CCDC148: variants seen among roughly 807,000 people sequenced by gnomAD.
The protein encoded by CCDC148 is coiled-coil domain containing 148, also known as coiled-coil domain-containing protein 148.
In CCDC148, 89 loss-of-function variants were observed where a neutral mutation model predicts 85.7. That is an observed-to-expected ratio of 1.04 (90% confidence interval 0.87 to 1.24). The LOEUF (loss-of-function observed/expected upper bound fraction) is 1.24. Ranked by LOEUF, CCDC148 falls within the 50% of genes most tolerant of loss-of-function variation. CCDC148 has a pLI of 0.00. For missense variants in CCDC148, 692 were observed against 671.7 expected (o/e 1.03, Z -0.33); for synonymous variants, 230 against 213.9 (o/e 1.08, Z -0.66).
Position 158,282,136 on chromosome 2 carries a change from T to G in CCDC148, c.1110+27297A>C, listed in dbSNP as rs376016212. 7.2e-5 allele frequency among the ~76,000 whole-genome samples: 11 copies of G among 151,766 alleles called. No individual in the cohort carries two copies. In the East Asian group the frequency reaches 9.7e-4, roughly 13 times the overall value. On this transcript the variant is annotated intron_variant, in intron 9 of 13. Coordinates refer to ENST00000283233, the MANE Select transcript of CCDC148 (RefSeq NM_138803.4). ...ATTGATGGGACGTATTTCAAAATAA[T>G]AAGAGCTATCTATGACAAACCCACA...
intron 9 of CCDC148, among the ~76,000 whole-genome samples, chr2:158,264,218 T>G (rs1689356815): frequency 6.6e-6 from 1 of 152,030 alleles, no homozygotes; most frequent in Non-Finnish European, 1.5e-5. Context: ...ATAGGAAACC[T>G]TCAATGAGAA....
chr2:158,337,278 A>G (rs971190068), intron 7 of CCDC148, among the ~76,000 whole-genome samples: 4 of 152,144 alleles, frequency 2.6e-5, no homozygotes, highest in Non-Finnish European at 2.9e-5. Context: ...GAGAGGAGGT[A>G]CTGGGCCAGC....
chr2:158,450,031 T>C (rs1320074690), intron 1 of CCDC148, among the ~76,000 whole-genome samples: 1 of 150,192 alleles, frequency 6.7e-6, no homozygotes, highest in East Asian at 2.0e-4. Context: ...TACAGACAAA[T>C]GTGGCAGTTC....
At chr2:158,377,225 A>G (rs930874629) in intron 1 of CCDC148, among the ~76,000 whole-genome samples, 51 of 151,168 alleles carry the variant, frequency 3.4e-4, no homozygotes, top group Non-Finnish European at 6.9e-4. Context: ...CCTTAGAGAA[A>G]GAGGGAAGGG....
rs768652462 is a variant in CCDC148, at chr2:158,456,681, G to C, written c.-242C>G. 3.5e-5 allele frequency: 20 copies of C among 568,870 alleles called. No homozygotes were observed. Among genetic ancestry groups the C allele is most frequent in the Non-Finnish European group, 5.6e-5 (18 of 320,428 alleles). 35.2% of individuals were successfully genotyped at this position (568,870 alleles called of 1,614,324 possible). A position where few individuals can be genotyped will look rare whatever the true frequency, so the allele number is the denominator to read the frequency against. On this transcript the variant is annotated 5_prime_UTR_variant, in exon 1 of 14. Coordinates refer to ENST00000283233, the MANE Select transcript of CCDC148 (RefSeq NM_138803.4). ...CTCTCCGCCACCCCCTCCCGCGCCC[G>C]AGACCTGAGACACCTTCTCTCTCAC...
rs1553521585 is a variant in CCDC148 at position 158,433,091 on chromosome 2, A to AAATAT, written c.25+23323_25+23324insATATT. Among the ~76,000 whole-genome samples, 137 of 51,348 alleles carry AAATAT rather than the reference A, an allele frequency of 2.7e-3. 2 individuals are homozygous for AAATAT. Among genetic ancestry groups the AAATAT allele is most frequent in the Non-Finnish European group, 5.0e-3 (119 of 23,894 alleles). 33.7% of individuals were successfully genotyped at this position (51,348 alleles called of 152,430 possible). A position where few individuals can be genotyped will look rare whatever the true frequency, so the allele number is the denominator to read the frequency against. On this transcript the variant is annotated intron_variant, in intron 1 of 13. Transcript: ENST00000283233. Reference sequence around the variant, plus strand: ...CATCTCTACAAAAAAAAAAAAAAAAAATATATATATATATATATATGACTT... The same window carrying AAATAT: ...CATCTCTACAAAAAAAAAAAAAAAAAAATATATATATATATATATATATATGACTT...
chr2:158,393,255 A>T (rs992545521), intron 1 of CCDC148: 1 of 152,124 alleles, frequency 6.6e-6, no homozygotes, highest in African/African-American at 2.4e-5. Flanking sequence ...CAAATCAATA[A>T]AAATAGGTCG....
intron 10 of CCDC148, among the ~76,000 whole-genome samples, chr2:158,237,453 A>G (rs1688158501): frequency 6.6e-6 from 1 of 152,176 alleles, no homozygotes; most frequent in African/African-American, 2.4e-5. Flanking sequence ...CTATTATAAT[A>G]GTCCTAATTA....
At chr2:158,413,933 A>T (rs1686378674) in intron 1 of CCDC148, among the ~76,000 whole-genome samples, 1 of 152,222 alleles carries the variant, frequency 6.6e-6, no homozygotes, top group Non-Finnish European at 1.5e-5. Flanking sequence ...AAGTAGATAT[A>T]CCAAGAAGAT....
intron 13 of CCDC148, 64 bp from the exon 14 acceptor site, chr2:158,172,323 G>T (rs1684356135): frequency 1.1e-5 from 14 of 1,284,566 alleles, no homozygotes; most frequent in African/African-American, 1.5e-5. Context: ...TTAACATTTA[G>T]TTCCATGTTT....
At chr2:158,326,838 T>C (rs11683999) in intron 7 of CCDC148, among the ~76,000 whole-genome samples, 1 of 152,140 alleles carries the variant, frequency 6.6e-6, no homozygotes, top group African/African-American at 2.4e-5. Flanking sequence ...TTATCAATTT[T>C]TGTGTATTGT....
Position 158,171,838 on chromosome 2 carries a change from C to T in CCDC148, c.*275G>A. The stretch of plus-strand genomic sequence containing the variant: ...TTTTATAGGATAACATAACCTCCAA[C>T]ATGTAGTTTACTAAATTATAGTATA... On this transcript the variant is annotated 3_prime_UTR_variant, in exon 14 of 14. Coordinates refer to ENST00000283233, the MANE Select transcript of CCDC148 (RefSeq NM_138803.4). 1 of 205,348 alleles carries T rather than the reference C, an allele frequency of 4.9e-6. No homozygotes were observed. The allele number at this position is 205,348 out of a possible 1,614,324, so 12.7% of individuals were successfully genotyped here.
intron 7 of CCDC148, among the ~76,000 whole-genome samples, chr2:158,336,468 C>T (rs1191816568): frequency 6.6e-6 from 1 of 152,084 alleles, no homozygotes; most frequent in African/African-American, 2.4e-5. Context: ...TTTCTTCCCC[C>T]AAATATTCCA....
In CCDC148 at chr2:158,306,215, A is replaced by T. The variant is rs112220032; in HGVS notation, c.1110+3218T>A. ...CACCATGCATTTTCAAAATTCATAG[A>T]ACTATGCATTAAAAATAGTGATTTT... On this transcript the variant is annotated intron_variant, in intron 9 of 13. Coordinates refer to ENST00000283233, the MANE Select transcript of CCDC148 (RefSeq NM_138803.4). 4.4e-3 allele frequency among the ~76,000 whole-genome samples: 669 copies of T among 152,232 alleles called. 6 individuals carry two copies. Among genetic ancestry groups the T allele is most frequent in the African/African-American group, 0.015 (621 of 41,524 alleles).
In CCDC148 at chr2:158,339,053, G is replaced by A; in HGVS notation, c.519C>T (p.Val173=). The part of the protein sequence containing the change: ...VDFVKKQLKT[V]FERLRLEQQR... ...GTTGCTCCAGCCTAAGTCTTTCAAA[G>A]ACAGTTTTCAATTGTTTCTTCACAA... The change falls in exon 6 of 14, where the codon GTC becomes GTT. Residue 173 remains valine, a synonymous_variant. Transcript: ENST00000283233. 6.2e-7 allele frequency: 1 copy of A among 1,613,780 alleles called. No individual in the cohort carries two copies. The highest frequency in any genetic ancestry group is 2.2e-5 in the East Asian group (1 of 44,832).
chr2:158,324,737 T>C (rs1418165918), intron 7 of CCDC148, among the ~76,000 whole-genome samples: 3 of 152,102 alleles, frequency 2.0e-5, no homozygotes, highest in African/African-American at 4.8e-5. Context: ...TTACATTTTA[T>C]AGGAAAAAAA....
chr2:158,437,537 A>T (rs1035606392), intron 1 of CCDC148, among the ~76,000 whole-genome samples: 2 of 152,200 alleles, frequency 1.3e-5, no homozygotes, highest in Non-Finnish European at 2.9e-5. Context: ...AATGGGCAAA[A>T]ACTGGAAGCA....
At chr2:158,305,166 C>T (rs1691626344) in intron 9 of CCDC148, among the ~76,000 whole-genome samples, 1 of 152,184 alleles carries the variant, frequency 6.6e-6, no homozygotes, top group Admixed American at 6.5e-5. Flanking sequence ...AAGCCACAAA[C>T]CCACTAGGGT....
At chr2:158,440,211 G>C (rs1289086800) in intron 1 of CCDC148, among the ~76,000 whole-genome samples, 8 of 152,020 alleles carry the variant, frequency 5.3e-5, no homozygotes, top group Non-Finnish European at 1.2e-4. Flanking sequence ...ACAAGAATGT[G>C]GAATAACTGA....
Sources: gnomAD v4.1 joint callset for allele counts (sites outside exome capture counted in the v4.1 genomes callset) on GRCh38, gnomAD v4.1.1 for gene constraint, MANE v1.5 for transcripts, NCBI Gene and HGNC (gene_info 2026-07-23, HGNC 2026-07-21) for gene names.